Variants in NELL2 observed in about 807,000 individuals in gnomAD.
NELL2 encodes the protein neural EGFL like 2, also known as protein kinase C-binding protein NELL2.
In NELL2, 41 loss-of-function variants were observed where a neutral mutation model predicts 109.6. That is an observed-to-expected ratio of 0.37 (90% CI 0.29 to 0.49). The LOEUF (loss-of-function observed/expected upper bound fraction) is 0.49, where lower values mean the gene tolerates loss of function less well. NELL2 is among the 20% of genes least tolerant of loss of function. The probability of loss-of-function intolerance (pLI) is 0.98; values close to 1 mark genes in which losing one functional copy is unlikely to be tolerated. For synonymous variants in NELL2, 355 were observed against 344.7 expected, an observed-to-expected ratio of 1.03 and a Z score of -0.33; for missense variants, 900 against 1,008.3, an observed-to-expected ratio of 0.89 and a Z score of 1.45.
chr12:44,733,863 A>G (rs141876365), intron 9 of NELL2, among the ~76,000 whole-genome samples: 67 of 152,172 alleles, frequency 4.4e-4, no homozygotes, highest in African/African-American at 1.4e-3. Flanking sequence ...TATTGTGGTC[A>G]TACAGCATAC....
chr12:44,705,462 T>C (rs184517210), intron 11 of NELL2, among the ~76,000 whole-genome samples: 2 of 152,334 alleles, frequency 1.3e-5, no homozygotes, highest in Admixed American at 6.5e-5. Flanking sequence ...TAAACTGTCA[T>C]GATTAAGGCT....
chr12:44,551,935 T>C (rs1943057461), intron 15 of NELL2, among the ~76,000 whole-genome samples: 1 of 152,178 alleles, frequency 6.6e-6, no homozygotes, highest in Non-Finnish European at 1.5e-5. Flanking sequence ...GAAATTCTCC[T>C]GGACACACAA....
chr12:44,560,772 T>C (rs1943442554), intron 15 of NELL2, among the ~76,000 whole-genome samples: 1 of 152,176 alleles, frequency 6.6e-6, no homozygotes, highest in African/African-American at 2.4e-5. Flanking sequence ...GCTGCTATCA[T>C]TCCTTCTGAA....
intron 15 of NELL2, among the ~76,000 whole-genome samples, chr12:44,606,939 T>A (rs1005861442): frequency 6.6e-6 from 1 of 152,116 alleles, no homozygotes; most frequent in Non-Finnish European, 1.5e-5. Context: ...TCTGAAAAGT[T>A]CAATATGCGT....
chr12:44,521,146 TCTTA>T (rs140151156), intron 18 of NELL2, among the ~76,000 whole-genome samples: 2,041 of 152,338 alleles, frequency 0.013, 50 homozygotes, highest in African/African-American at 0.038. Context: ...ATTACTTTCT[TCTTA>T]CTTATTGTTT....
At chr12:44,547,199 A>C (rs1432625636) in intron 15 of NELL2, among the ~76,000 whole-genome samples, 1 of 152,218 alleles carries the variant, frequency 6.6e-6, no homozygotes, top group Non-Finnish European at 1.5e-5. Flanking sequence ...CTGTCCTTCT[A>C]GTAGCTTCAG....
intron 15 of NELL2, among the ~76,000 whole-genome samples, chr12:44,552,313 T>C (rs755485397): frequency 6.6e-6 from 1 of 152,190 alleles, no homozygotes; most frequent in Non-Finnish European, 1.5e-5. Flanking sequence ...ATAACATCCT[T>C]GTAACCTGTC....
At chr12:44,553,270 A>G (rs1440950064) in intron 15 of NELL2, among the ~76,000 whole-genome samples, 1 of 99,718 alleles carries the variant, frequency 1.0e-5, no homozygotes, top group Non-Finnish European at 2.0e-5. Context: ...AAAGTATAAT[A>G]ATAATAATAA....
rs992709979 is a variant in NELL2 at position 44,532,516 on chromosome 12, G to C, written c.1804+65C>G. Reference sequence around the variant, plus strand: ...ATTGGCTCAATGTCTTCTATTTATAGCTTATGATATATTCCTCAAGTTCAA... The same window carrying C: ...ATTGGCTCAATGTCTTCTATTTATACCTTATGATATATTCCTCAAGTTCAA... On this transcript the variant is annotated intron_variant, in intron 16 of 19. Transcript: ENST00000429094. 27 of 1,516,260 alleles carry C rather than the reference G, an allele frequency of 1.8e-5. No homozygotes were observed. In the African/African-American group the frequency reaches 3.4e-4, roughly 19 times the overall value. 93.9% of individuals were successfully genotyped at this position (1,516,260 alleles called of 1,614,324 possible). A position where few individuals can be genotyped will look rare whatever the true frequency, so the allele number is the denominator to read the frequency against.
chr12:44,778,849 C>T (rs1056764780), intron 5 of NELL2, among the ~76,000 whole-genome samples: 1 of 152,166 alleles, frequency 6.6e-6, no homozygotes, highest in Non-Finnish European at 1.5e-5. Context: ...ACAGGCAATG[C>T]TTAAATAAGT....
intron 2 of NELL2, among the ~76,000 whole-genome samples, chr12:44,829,138 T>C (rs1943807385): frequency 6.6e-6 from 1 of 152,112 alleles, no homozygotes; most frequent in Admixed American, 6.5e-5. Flanking sequence ...CTAACTGCAG[T>C]ACTGCTCAAG....
chr12:44,753,266 T>A (rs1249590254), intron 9 of NELL2, among the ~76,000 whole-genome samples: 1 of 152,126 alleles, frequency 6.6e-6, no homozygotes, highest in African/African-American at 2.4e-5. Flanking sequence ...CTACTCTCCA[T>A]CCACCCTCAG....
At chr12:44,808,508 A>ACCACAGTGCAATC in intron 3 of NELL2, among the ~76,000 whole-genome samples, 1 of 152,028 alleles carries the variant, frequency 6.6e-6, no homozygotes, top group South Asian at 2.1e-4. Flanking sequence ...ACACTTCAAG[A>ACCACAGTGCAATC]AAATAAAATC....
At chr12:44,738,790 C>T (rs188691672) in intron 9 of NELL2, among the ~76,000 whole-genome samples, 71 of 152,198 alleles carry the variant, frequency 4.7e-4, no homozygotes, top group Admixed American at 4.3e-3. Flanking sequence ...ATACTTGAAA[C>T]GTGCTAAGAA....
At chr12:44,608,380 C>T (rs906914929) in intron 14 of NELL2, among the ~76,000 whole-genome samples, 3 of 151,918 alleles carry the variant, frequency 2.0e-5, no homozygotes, top group South Asian at 2.1e-4. Flanking sequence ...AAAGAATGTG[C>T]GTGTCAGACC....
At chr12:44,759,304 C>T (rs1941024051) in intron 9 of NELL2, among the ~76,000 whole-genome samples, 3 of 152,182 alleles carry the variant, frequency 2.0e-5, no homozygotes, top group African/African-American at 7.2e-5. Flanking sequence ...ATCACCTGTA[C>T]TGGCCTTGTG....
intron 1 of NELL2, among the ~76,000 whole-genome samples, chr12:44,908,771 G>GAATGAGAAAA (rs1328217536): frequency 6.6e-6 from 1 of 151,938 alleles, no homozygotes; most frequent in Non-Finnish European, 1.5e-5. Context: ...TAAGAAAAGA[G>GAATGAGAAAA]AATTTATTTT....
intron 15 of NELL2, 118 bp downstream of exon 15, chr12:44,607,051 T>C: frequency 1.3e-6 from 1 of 798,332 alleles, no homozygotes; most frequent in South Asian, 2.4e-5. Context: ...ATCACTTCCT[T>C]ATTAATAGCT....
intron 1 of NELL2, among the ~76,000 whole-genome samples, chr12:44,893,249 C>G (rs1945555980): frequency 6.6e-6 from 1 of 152,178 alleles, no homozygotes; most frequent in Non-Finnish European, 1.5e-5. Flanking sequence ...CTGACTCCAA[C>G]ACCCAAATTC....
Sources: allele counts gnomAD v4.1 joint callset (sites outside exome capture counted in the v4.1 genomes callset), GRCh38; gene constraint gnomAD v4.1.1; transcripts MANE v1.5; gene names NCBI Gene and HGNC (gene_info 2026-07-23, HGNC 2026-07-21).